The following CPA6 variants were observed in gnomAD, a reference collection of about 807,000 sequenced individuals.
CPA6 encodes carboxypeptidase B.
Under a neutral mutation model 63.3 loss-of-function variants are expected in CPA6, and 58 were observed. The observed-to-expected ratio is 0.92, with a 90% CI of 0.74 to 1.14. The LOEUF (loss-of-function observed/expected upper bound fraction) is 1.14, where lower values mean the gene tolerates loss of function less well. Ranked by LOEUF, CPA6 falls within the 50% of genes most tolerant of loss-of-function variation. The pLI, the probability that CPA6 is intolerant of heterozygous loss-of-function variation, is 0.00. For synonymous variants in CPA6, 185 were observed against 179.0 expected (o/e 1.03, Z -0.27); for missense variants, 565 against 526.6 (o/e 1.07, Z -0.71).
At chr8:67,661,387 G>T (rs1816105172) in intron 1 of CPA6, among the ~76,000 whole-genome samples, 1 of 152,176 alleles carries the variant, frequency 6.6e-6, no homozygotes, top group South Asian at 2.1e-4. Flanking sequence ...CCTGTTGCAA[G>T]GACTGTGGCT....
rs1811937622 is a variant in CPA6, at chr8:67,506,807, A to G, written c.616T>C (p.Cys206Arg). 6.2e-7 allele frequency: 1 copy of G among 1,612,416 alleles called. No individual in the cohort carries two copies. Among genetic ancestry groups the G allele is most frequent in the Non-Finnish European group, 8.5e-7 (1 of 1,178,526 alleles). Residue 206 changes from cysteine (C) to arginine (R), a missense_variant, in exon 6 of 11, where the codon TGT (cysteine) becomes CGT (arginine). Coordinates refer to ENST00000297770, the MANE Select transcript of CPA6 (RefSeq NM_020361.5). ...HAREWIGPAF[C>R]QWFVKEALLT... ...CTTACTTCTTTTACAAACCACTGAC[A>G]AAAGGCAGGACCAATCCATTCTCTT... is the stretch of plus-strand genomic sequence containing the variant.
rs1816681123 is a variant in CPA6 at position 67,684,954 on chromosome 8, AC to A, written c.117-60704del. On this transcript the variant is annotated intron_variant, in intron 1 of 10. Coordinates refer to ENST00000297770, the MANE Select transcript of CPA6 (RefSeq NM_020361.5). ...CCTCTTAGTAATTTTCCACCCACTT[AC>A]CCTGCCCTGCTCCTTGGCTATACAT... Among the ~76,000 whole-genome samples the A allele has an allele frequency of 3.3e-5, 5 of 151,532 alleles. No homozygotes were observed. In the South Asian group the frequency reaches 1.0e-3, roughly 32 times the overall value.
chr8:67,503,895 G>A (rs1396585762), intron 6 of CPA6, among the ~76,000 whole-genome samples: 2 of 151,918 alleles, frequency 1.3e-5, no homozygotes, highest in African/African-American at 4.8e-5. Context: ...TAATGCTCTC[G>A]CTCCCATTTT....
intron 9 of CPA6, among the ~76,000 whole-genome samples, chr8:67,429,446 G>T (rs531466217): frequency 1.3e-5 from 2 of 152,190 alleles, no homozygotes; most frequent in Non-Finnish European, 2.9e-5. Context: ...GGACAACGTG[G>T]TGGTGTGTGC....
intron 2 of CPA6, among the ~76,000 whole-genome samples, chr8:67,618,445 G>A (rs1035395302): frequency 1.6e-4 from 25 of 152,076 alleles, no homozygotes; most frequent in African/African-American, 6.0e-4. Flanking sequence ...CACAGTACTG[G>A]GGTGTGAGGG....
chr8:67,430,187 T>G (rs1487544287), intron 9 of CPA6, among the ~76,000 whole-genome samples: 2 of 150,722 alleles, frequency 1.3e-5, no homozygotes, highest in South Asian at 2.1e-4. Context: ...ATTTTGTTTT[T>G]TTTTTTTTTT....
chr8:67,716,952 G>A (rs917444427), intron 1 of CPA6, among the ~76,000 whole-genome samples: 1 of 152,164 alleles, frequency 6.6e-6, no homozygotes, highest in African/African-American at 2.4e-5. Context: ...ACATGGTAGG[G>A]TTTTAGAAAT....
At position 67,569,496 on chromosome 8, in the gene CPA6, A is replaced by G. The variant is rs144486135; in HGVS notation, c.193-51449T>C. 1.4e-3 allele frequency: 559 copies of G among 401,570 alleles called. 2 individuals are homozygous for G. Among genetic ancestry groups the G allele is most frequent in the Non-Finnish European group, 1.6e-3 (310 of 193,454 alleles). 24.9% of individuals were successfully genotyped at this position (401,570 alleles called of 1,614,324 possible). A position where few individuals can be genotyped will look rare whatever the true frequency, so the allele number is the denominator to read the frequency against. ...CACAGGCTAAGACAGGGTCTGTAAC[A>G]GAATCTAACAGTGATGAATCAGTAC... On this transcript the variant is annotated intron_variant, in intron 2 of 10. Coordinates refer to ENST00000297770, the MANE Select transcript of CPA6 (RefSeq NM_020361.5).
chr8:67,734,696 T>A (rs577187920), intron 1 of CPA6, among the ~76,000 whole-genome samples: 1 of 152,316 alleles, frequency 6.6e-6, no homozygotes, highest in African/African-American at 2.4e-5. Flanking sequence ...TGTTTAGCAG[T>A]TTTGATGCCA....
intron 10 of CPA6, among the ~76,000 whole-genome samples, chr8:67,426,811 C>G (rs1809897240): frequency 6.6e-6 from 1 of 152,136 alleles, no homozygotes. Flanking sequence ...ACTAGATTTT[C>G]CAAGTCATAT....
intron 2 of CPA6, among the ~76,000 whole-genome samples, chr8:67,525,159 G>C (rs1479921104): frequency 2.0e-5 from 3 of 152,112 alleles, no homozygotes; most frequent in Non-Finnish European, 2.9e-5. Flanking sequence ...AGGTTAGGTT[G>C]TTGAAATTCT....
intron 1 of CPA6, among the ~76,000 whole-genome samples, chr8:67,703,266 T>C (rs1817063194): frequency 6.6e-6 from 1 of 152,114 alleles, no homozygotes; most frequent in Admixed American, 6.5e-5. Flanking sequence ...CCAAAGCTGA[T>C]CTCTCAGCTC....
chr8:67,742,877 A>G (rs1587744806), intron 1 of CPA6, among the ~76,000 whole-genome samples: 1 of 152,158 alleles, frequency 6.6e-6, no homozygotes, highest in African/African-American at 2.4e-5. Context: ...TAGTTCTACA[A>G]TTTTGCCAGA....
chr8:67,613,797 G>C (rs1814870697), intron 2 of CPA6, among the ~76,000 whole-genome samples: 1 of 152,154 alleles, frequency 6.6e-6, no homozygotes. Flanking sequence ...CTTTTGGCCT[G>C]CTATGCCCCC....
At chr8:67,553,349 A>G (rs764707458) in intron 2 of CPA6, among the ~76,000 whole-genome samples, 1 of 152,238 alleles carries the variant, frequency 6.6e-6, no homozygotes, top group Non-Finnish European at 1.5e-5. Context: ...AATGCATCCC[A>G]TCAATTCAGC....
At chr8:67,685,385 A>C (rs1413332271) in intron 1 of CPA6, among the ~76,000 whole-genome samples, 2 of 152,140 alleles carry the variant, frequency 1.3e-5, no homozygotes, top group East Asian at 1.9e-4. Flanking sequence ...TGGGAGGCCG[A>C]GGCAGGTGGA....
At chr8:67,471,369 T>C (rs1055832045) in intron 8 of CPA6, among the ~76,000 whole-genome samples, 11 of 152,236 alleles carry the variant, frequency 7.2e-5, no homozygotes, top group Non-Finnish European at 2.9e-5. Flanking sequence ...AATCAGCTAG[T>C]TGAATACATG....
At chr8:67,521,755 C>T (rs1245017962) in intron 2 of CPA6, among the ~76,000 whole-genome samples, 1 of 152,140 alleles carries the variant, frequency 6.6e-6, no homozygotes, top group Non-Finnish European at 1.5e-5. Flanking sequence ...AAAATATAAA[C>T]AGTTGCAGGA....
intron 8 of CPA6, among the ~76,000 whole-genome samples, chr8:67,469,528 C>A (rs1277783135): frequency 6.6e-6 from 1 of 152,156 alleles, no homozygotes; most frequent in African/African-American, 2.4e-5. Flanking sequence ...AGCACTTGAA[C>A]CCAGGAGGCA....
Sources: gnomAD v4.1 joint callset for allele counts (sites outside exome capture counted in the v4.1 genomes callset) on GRCh38, gnomAD v4.1.1 for gene constraint, MANE v1.5 for transcripts, NCBI Gene and HGNC (gene_info 2026-07-23, HGNC 2026-07-21) for gene names.